ARMCX4: variants seen among roughly 807,000 people sequenced by gnomAD.
ARMCX4 encodes armadillo repeat containing X-linked 4, also known as armadillo repeat-containing X-linked protein 4.
In ARMCX4, 3 loss-of-function variants were observed where a neutral mutation model predicts 34.7. The ratio of observed to expected loss-of-function variants is 0.09; its 90% confidence interval spans 0.04 to 0.22. The LOEUF is 0.22. Ranked by LOEUF, ARMCX4 falls within the 10% of genes least tolerant of loss-of-function variation. The pLI is 1.00. For synonymous variants in ARMCX4, 513 were observed against 632.8 expected (o/e 0.81, Z 2.84); for missense variants, 1,448 against 1,720.8 (o/e 0.84, Z 2.81).
upstream of ARMCX4, among the ~76,000 whole-genome samples, chrX:101,481,419 T>C (rs1369667287): frequency 1.8e-5 from 2 of 112,448 alleles, no homozygotes; most frequent in Non-Finnish European, 3.8e-5. Flanking sequence ...GTTCCGAGCA[T>C]TTTTAAGGTA....
chrX:101,533,216 CTA>C (rs782606700), exon 13 of ARMCX4: 1 of 109,802 alleles, frequency 9.1e-6, no homozygotes, highest in Non-Finnish European at 1.9e-5. Flanking sequence ...CTGATTTGGG[CTA>C]TGTTTTATTG....
At chrX:101,534,241 A>G (rs1338183125), downstream of ARMCX4, among the ~76,000 whole-genome samples, 5 of 111,739 alleles carry the variant, frequency 4.5e-5, no homozygotes, top group African/African-American at 1.3e-4. Context: ...AAAAATAAAG[A>G]CAAATAAGTA....
At chrX:101,510,252 T>C (rs782163444) in intron 10 of ARMCX4, among the ~76,000 whole-genome samples, 3 of 112,372 alleles carry the variant, frequency 2.7e-5, no homozygotes, top group African/African-American at 9.7e-5. Flanking sequence ...TTTATTTGCT[T>C]GTTTTACTTA....
chrX:101,508,754 T>G (rs782530910), intron 8 of ARMCX4, among the ~76,000 whole-genome samples: 34 of 111,996 alleles, frequency 3.0e-4, no homozygotes, highest in African/African-American at 1.1e-3. Flanking sequence ...TATCTACCTA[T>G]GTCAAAATAA....
At chrX:101,468,883 C>G (rs782676202) in intron 4 of ARMCX4, among the ~76,000 whole-genome samples, 1 of 111,297 alleles carries the variant, frequency 9.0e-6, no homozygotes, top group South Asian at 3.8e-4. Context: ...AGAAAAAAGC[C>G]ATAAATAAAA....
chrX:101,477,311 G>T (rs1933232563), intron 4 of ARMCX4, among the ~76,000 whole-genome samples: 1 of 105,869 alleles, frequency 9.4e-6, no homozygotes, highest in Non-Finnish European at 1.9e-5. Context: ...ATGGTGGCAC[G>T]CACCTGTAGT....
intron 11 of ARMCX4, among the ~76,000 whole-genome samples, chrX:101,529,299 G>T (rs1935061572): frequency 9.0e-6 from 1 of 111,664 alleles, no homozygotes; most frequent in African/African-American, 3.3e-5. Flanking sequence ...GCTGAAACTG[G>T]ATCCCTTCCT....
At chrX:101,468,484 G>A (rs782125449) in intron 4 of ARMCX4, among the ~76,000 whole-genome samples, 195 of 109,898 alleles carry the variant, frequency 1.8e-3, no homozygotes, top group African/African-American at 6.0e-3. Flanking sequence ...GTGGAGAGGA[G>A]GTTTCACCAT....
chrX:101,458,350 G>A (rs782294314), intron 4 of ARMCX4, among the ~76,000 whole-genome samples: 4 of 110,641 alleles, frequency 3.6e-5, no homozygotes, highest in African/African-American at 6.6e-5. Context: ...ACATAAATAA[G>A]TAATTTGAAA....
chrX:101,521,952 C>T (rs1180088823), intron 11 of ARMCX4, among the ~76,000 whole-genome samples: 3 of 111,142 alleles, frequency 2.7e-5, no homozygotes, highest in Non-Finnish European at 3.8e-5. Flanking sequence ...TTCCATGTGT[C>T]CTTGAGAAGA....
chrX:101,478,276 T>C (rs1243410882), intron 4 of ARMCX4, among the ~76,000 whole-genome samples: 1 of 112,240 alleles, frequency 8.9e-6, no homozygotes, highest in Admixed American at 9.5e-5. Flanking sequence ...TAACTAATAA[T>C]ACAAATTCAT....
At position 101,487,717 on chromosome X, in the gene ARMCX4, A is replaced by G. The variant is rs1556007230; in HGVS notation, c.-203+26A>G. ...GTAAGAGTGTGGGGACTGCCTGGGTAGACCTCTAGAGTGGGTTGGTGGAGA... is the reference window on the plus strand; with the variant it reads ...GTAAGAGTGTGGGGACTGCCTGGGTGGACCTCTAGAGTGGGTTGGTGGAGA... On this transcript the variant is annotated intron_variant, in intron 4 of 5. Coordinates refer to ENST00000423738, the MANE Select transcript of ARMCX4 (RefSeq NM_001256155.3). The G allele has an allele frequency of 8.3e-6, 7 of 845,355 alleles. No individual in the cohort carries two copies. In the South Asian group the frequency reaches 1.5e-4, roughly 18 times the overall value. 69.7% of individuals were successfully genotyped at this position (845,355 alleles called of 1,213,427 possible).
chrX:101,428,339 AC>A (rs1555991327), intron 2 of ARMCX4, among the ~76,000 whole-genome samples: 2 of 112,400 alleles, frequency 1.8e-5, no homozygotes, highest in South Asian at 3.7e-4. Flanking sequence ...AAATTAATAT[AC>A]ATTTTCAGTA....
rs1556007681 is a variant in ARMCX4 at position 101,488,892 on chromosome X, T to C, written c.303T>C (p.Ser101=). The C allele has an allele frequency of 8.6e-7, 1 of 1,156,115 alleles. No individual in the cohort carries two copies. Among genetic ancestry groups the C allele is most frequent in the South Asian group, 1.9e-5 (1 of 52,759 alleles). The change falls in exon 6 of 6, where the codon TCT becomes TCC. Residue 101 remains serine (S), a synonymous_variant. Coordinates refer to ENST00000423738, the MANE Select transcript of ARMCX4 (RefSeq NM_001256155.3). The part of the protein sequence containing the change: ...ATAIAIHRAN[S]QAKAMVGAEP... ...CTATAGCCATACACAGAGCCAACTC[T>C]CAGGCCAAGGCAATGGTTGGGGCAG...
rs111768798 is a variant in ARMCX4, at chrX:101,492,694, G to A, written c.4105G>A (p.Val1369Ile). The A allele has an allele frequency of 2.5e-3, 2,796 of 1,123,992 alleles. 3 individuals carry two copies. Among genetic ancestry groups the A allele is most frequent in the Middle Eastern group, 5.7e-3 (24 of 4,186 alleles). The allele number at this position is 1,123,992 out of a possible 1,213,427, so 92.6% of individuals were successfully genotyped here. A position where few individuals can be genotyped will look rare whatever the true frequency, so the allele number is the denominator to read the frequency against. The stretch of plus-strand genomic sequence containing the variant: ...CAGTGGAGGGTCTAGGCTGGGCCAC[G>A]TAGATCAGTCCAGTGGTGGGGCCTG... Reference protein sequence around the residue: ...QASGGSRLGHVDQSSGGAWAG... With the variant: ...QASGGSRLGHIDQSSGGAWAG... Residue 1369 changes from valine (V) to isoleucine (I), a missense_variant, in exon 6 of 6, where the codon GTA becomes ATA. Coordinates refer to ENST00000423738, the MANE Select transcript of ARMCX4 (RefSeq NM_001256155.3).
Position 101,492,065 on chromosome X carries a change from A to G in ARMCX4, c.3476A>G (p.Asp1159Gly). 1 of 1,152,572 alleles carries G rather than the reference A, an allele frequency of 8.7e-7. No homozygotes were observed. The highest frequency in any genetic ancestry group is 1.1e-6 in the Non-Finnish European group (1 of 871,059). 95.0% of individuals were successfully genotyped at this position (1,152,572 alleles called of 1,213,427 possible). Residue 1159 changes from aspartate to glycine, a missense_variant, in exon 6 of 6, where the codon GAT (aspartate) becomes GGT (glycine). Transcript: ENST00000423738. ...ATTCGGTCTTGGGCTGTGGCTTGTG[A>G]TGAGACCAGTGTTAAGTCCTGGGCT... ...GIIRSWAVAC[D>G]ETSVKSWAGA...
At chrX:101,444,080 C>G (rs1265600626) in exon 3 of ARMCX4, 2 of 339,929 alleles carry the variant, frequency 5.9e-6, no homozygotes, top group African/African-American at 5.3e-5. Context: ...TTTCTGCTGT[C>G]TTTGGAACTT....
In ARMCX4 at chrX:101,495,470, T is replaced by C; in HGVS notation, c.*8T>C. 9.2e-7 allele frequency: 1 copy of C among 1,092,198 alleles called. No individual in the cohort carries two copies. The highest frequency in any genetic ancestry group is 1.2e-6 in the Non-Finnish European group (1 of 843,295). The allele number at this position is 1,092,198 out of a possible 1,213,427, so 90.0% of individuals were successfully genotyped here. A position where few individuals can be genotyped will look rare whatever the true frequency, so the allele number is the denominator to read the frequency against. ...TTAATAAGTAAACTCTGATTGGCTG[T>C]ATGTTCCCAAACAAATTTGAGTAAT... On this transcript the variant is annotated 3_prime_UTR_variant, in exon 6 of 6. Coordinates refer to ENST00000423738, the MANE Select transcript of ARMCX4 (RefSeq NM_001256155.3).
chrX:101,433,968 T>G (rs2147537272), intron 2 of ARMCX4, among the ~76,000 whole-genome samples: 1 of 107,938 alleles, frequency 9.3e-6, no homozygotes, highest in South Asian at 4.1e-4. Context: ...TTTTCCGAGA[T>G]GGGGTCTGGC....
Sources: gnomAD v4.1 joint callset for allele counts (sites outside exome capture counted in the v4.1 genomes callset) on GRCh38, gnomAD v4.1.1 for gene constraint, MANE v1.5 for transcripts, NCBI Gene and HGNC (gene_info 2026-07-23, HGNC 2026-07-21) for gene names.